Variants in ZNF442 observed in about 807,000 individuals in gnomAD.
The protein encoded by ZNF442 is zinc finger protein 442.
In ZNF442, 45 loss-of-function variants were observed where a neutral mutation model predicts 57.0. The ratio of observed to expected loss-of-function variants is 0.79; its 90% CI spans 0.62 to 1.01. ZNF442 has a LOEUF of 1.01. Ranked by LOEUF, ZNF442 falls within the 50% of genes least tolerant of loss-of-function variation. The pLI is 0.00. For missense variants in ZNF442, 690 were observed against 756.5 expected, an observed-to-expected ratio of 0.91 and a Z score of 1.03; for synonymous variants, 213 against 241.8, an observed-to-expected ratio of 0.88 and a Z score of 1.10.
the ZNF442 span, among the ~76,000 whole-genome samples, chr19:12,373,063 C>CA: frequency 6.6e-6 from 1 of 152,176 alleles, no homozygotes; most frequent in Non-Finnish European, 1.5e-5. Flanking sequence ...TCAGCCACCG[C>CA]ACCCAGCCGG....
Position 12,349,986 on chromosome 19 carries a change from G to T in ZNF442, c.1599C>A (p.Val533=). The change falls in exon 6 of 6, where the codon GTC becomes GTA. Residue 533 remains valine, a synonymous_variant. Coordinates refer to ENST00000242804, the MANE Select transcript of ZNF442 (RefSeq NM_030824.3). Reference sequence around the variant, plus strand: ...TCTCTCCAGTGTGAATCCTTTCATGGACTTTTAAGTTACCAAAATGACTGA... The same window carrying T: ...TCTCTCCAGTGTGAATCCTTTCATGTACTTTTAAGTTACCAAAATGACTGA... The part of the protein sequence containing the change: ...KAFSHFGNLK[V]HERIHTGEKP... 2 of 1,613,566 alleles carry T rather than the reference G, an allele frequency of 1.2e-6. No individual in the cohort carries two copies. Among genetic ancestry groups the T allele is most frequent in the Non-Finnish European group, 1.7e-6 (2 of 1,179,866 alleles).
chr19:12,365,250 A>G lies in ZNF442; in HGVS notation c.-482-7T>C. The G allele has an allele frequency of 5.7e-6, 1 of 174,438 alleles. No individual in the cohort carries two copies. The allele number at this position is 174,438 out of a possible 1,614,324, so 10.8% of individuals were successfully genotyped here. ...CCGGTTACAGCCGCACAATCTGGGAAGACGCGGAGCTGTGGGCATGGAGCT... is the reference window on the plus strand; with the variant it reads ...CCGGTTACAGCCGCACAATCTGGGAGGACGCGGAGCTGTGGGCATGGAGCT... On this transcript the variant is annotated splice_region_variant and splice_polypyrimidine_tract_variant and intron_variant, in intron 1 of 5. Coordinates refer to ENST00000242804, the MANE Select transcript of ZNF442 (RefSeq NM_030824.3).
chr19:12,352,855 C>G, intron 4 of ZNF442, 133 bp downstream of exon 4: 1 of 1,082,864 alleles, frequency 9.2e-7, no homozygotes, highest in Non-Finnish European at 1.3e-6. Context: ...GTTGGGGACC[C>G]AGCACCACTT....
In ZNF442 at chr19:12,350,431, G is replaced by A. The variant is rs191332227; in HGVS notation, c.1154C>T (p.Ala385Val). The A allele has an allele frequency of 5.6e-6, 9 of 1,613,756 alleles. No individual in the cohort carries two copies. The highest frequency in any genetic ancestry group is 2.2e-5 in the East Asian group (1 of 44,862). The change falls in exon 6 of 6, where the codon GCG (alanine) becomes GTG (valine). Residue 385 changes from alanine (A) to valine (V), a missense_variant. Ala to Val is a moderately conservative substitution (Grantham distance 64). Coordinates refer to ENST00000242804, the MANE Select transcript of ZNF442 (RefSeq NM_030824.3). ...TCGAAAGCTTGAGTGATGAGATAAC[G>A]CTTTCCCACACTGCTTGCATTCATA... ...KPYECKQCGKALSHHSSFRSH... is the reference protein window; with the variant it reads ...KPYECKQCGKVLSHHSSFRSH...
At chr19:12,363,704 A>C (rs1969480060) in intron 2 of ZNF442, 33 bp from the exon 3 acceptor site, 1 of 1,374,108 alleles carries the variant, frequency 7.3e-7, no homozygotes, top group Admixed American at 1.7e-5. Context: ...TGATTGTCCC[A>C]AGGGTTAGCT....
In ZNF442 at chr19:12,365,523, G is replaced by A. The variant is rs1969517798; in HGVS notation, c.-483+10C>T. ...GCCCTGCCCCAGGACGCCGGGCCCCGCACACTCACCATTTCCCGGCTTCCG... is the reference window on the plus strand; with the variant it reads ...GCCCTGCCCCAGGACGCCGGGCCCCACACACTCACCATTTCCCGGCTTCCG... On this transcript the variant is annotated intron_variant, in intron 1 of 5. Transcript: ENST00000242804. The A allele has an allele frequency of 1.4e-5, 8 of 569,252 alleles. No homozygotes were observed. The highest frequency in any genetic ancestry group is 6.1e-5 in the East Asian group (1 of 16,478). 35.3% of individuals were successfully genotyped at this position (569,252 alleles called of 1,614,324 possible).
At chr19:12,351,659 C>T (rs1022153499) in intron 5 of ZNF442, 5 of 310,096 alleles carry the variant, frequency 1.6e-5, no homozygotes, top group East Asian at 6.8e-5. Flanking sequence ...ACATGCGCCA[C>T]CACGCCCAGC....
In ZNF442 at chr19:12,350,200, T is replaced by G; in HGVS notation, c.1385A>C (p.Lys462Thr). 1 of 1,613,958 alleles carries G rather than the reference T, an allele frequency of 6.2e-7. No individual in the cohort carries two copies. The highest frequency in any genetic ancestry group is 8.5e-7 in the Non-Finnish European group (1 of 1,179,984). The part of the protein sequence containing the change: ...ETTHTGEKPY[K>T]CKCGKAFIDF... ...AATAAAGGCTTTCCCACATTTACAT[T>G]TATAGGGTTTCTCTCCAGTGTGAGT... The change falls in exon 6 of 6, where the codon AAA (lysine) becomes ACA (threonine). Residue 462 changes from lysine to threonine, a missense_variant. Lys to Thr is a moderately conservative substitution (Grantham distance 78, BLOSUM62 -1). Transcript: ENST00000242804.
the ZNF442 span, among the ~76,000 whole-genome samples, chr19:12,372,756 G>T: frequency 5.3e-5 from 8 of 152,168 alleles, no homozygotes; most frequent in Admixed American, 5.2e-4. Flanking sequence ...GGCACATTTT[G>T]CACGAGTGAA....
At chr19:12,355,180 A>G (rs1969306200) in intron 3 of ZNF442, among the ~76,000 whole-genome samples, 1 of 150,064 alleles carries the variant, frequency 6.7e-6, no homozygotes, top group South Asian at 2.1e-4. Flanking sequence ...AGTCCCAGCT[A>G]CTCGGGAGGC....
chr19:12,367,972 C>G (rs576917196), upstream of ZNF442, among the ~76,000 whole-genome samples: 14 of 152,014 alleles, frequency 9.2e-5, no homozygotes, highest in Non-Finnish European at 1.8e-4. Context: ...CTGGAAGGGT[C>G]TCAATTATTA....
chr19:12,362,546 G>A (rs866324054), intron 3 of ZNF442, among the ~76,000 whole-genome samples: 12 of 151,538 alleles, frequency 7.9e-5, no homozygotes, highest in South Asian at 2.1e-4. Context: ...CCAGGAGGTG[G>A]GGGACAGCTC....
chr19:12,353,772 T>A (rs927356347), intron 3 of ZNF442, among the ~76,000 whole-genome samples: 2 of 152,170 alleles, frequency 1.3e-5, no homozygotes, highest in African/African-American at 2.4e-5. Context: ...TTGAAGAGGT[T>A]ATTGGGTCTT....
At chr19:12,360,566 A>T (rs75267431) in intron 3 of ZNF442, among the ~76,000 whole-genome samples, 1 of 151,154 alleles carries the variant, frequency 6.6e-6, no homozygotes, top group East Asian at 2.4e-4. Flanking sequence ...TTTATTTATT[A>T]GTTAGTTTAG....
At chr19:12,369,917 CACG>C (rs1969567552), upstream of ZNF442, among the ~76,000 whole-genome samples, 2 of 150,002 alleles carry the variant, frequency 1.3e-5, no homozygotes, top group Admixed American at 6.7e-5. Context: ...AAAAAAAAAA[CACG>C]ACGAGAAAGC....
chr19:12,354,055 T>A (rs1276297977), intron 3 of ZNF442, among the ~76,000 whole-genome samples: 1 of 152,158 alleles, frequency 6.6e-6, no homozygotes, highest in South Asian at 2.1e-4. Context: ...TTCATTTAAA[T>A]CATCTAGCTT....
intron 3 of ZNF442, among the ~76,000 whole-genome samples, chr19:12,358,154 G>A (rs1037993890): frequency 3.9e-5 from 6 of 151,950 alleles, no homozygotes; most frequent in Admixed American, 2.0e-4. Context: ...TAGTAGAGAC[G>A]GGGTTTCACC....
upstream of ZNF442, among the ~76,000 whole-genome samples, chr19:12,367,028 T>G (rs1283946952): frequency 6.6e-6 from 1 of 152,200 alleles, no homozygotes; most frequent in Non-Finnish European, 1.5e-5. Context: ...GGTTGGATCT[T>G]GTTAGGTACC....
At chr19:12,361,310 T>C (rs1033639798) in intron 3 of ZNF442, among the ~76,000 whole-genome samples, 2 of 152,240 alleles carry the variant, frequency 1.3e-5, no homozygotes, top group African/African-American at 4.8e-5. Flanking sequence ...AAATTAATAA[T>C]ATTTGAGTTC....
Sources: gnomAD v4.1 joint callset for allele counts (sites outside exome capture counted in the v4.1 genomes callset) on GRCh38, gnomAD v4.1.1 for gene constraint, MANE v1.5 for transcripts, NCBI Gene and HGNC (gene_info 2026-07-23, HGNC 2026-07-21) for gene names.